The following TTC12 variants were observed in gnomAD, a reference collection of about 807,000 sequenced individuals.
TTC12 encodes tetratricopeptide repeat protein 12.
Under a neutral mutation model 90.1 loss-of-function variants are expected in TTC12, and 70 were observed. The ratio of observed to expected loss-of-function variants is 0.78; its 90% CI spans 0.64 to 0.95. The LOEUF (loss-of-function observed/expected upper bound fraction) is 0.95, where lower values mean the gene tolerates loss of function less well. Among genes scored for constraint, TTC12 ranks in the 40% least tolerant of loss-of-function variants. The pLI is 0.00. For missense variants in TTC12, 819 were observed against 846.1 expected (o/e 0.97, Z 0.40); for synonymous variants, 296 against 311.5 (o/e 0.95, Z 0.53).
rs75723269 is a variant in TTC12 at position 113,335,828 on chromosome 11, A to G, written c.576+791A>G. Among the ~76,000 whole-genome samples the G allele has an allele frequency of 5.0e-4, 76 of 152,296 alleles. No homozygotes were observed. In the East Asian group the frequency reaches 7.3e-3, roughly 15 times the overall value. On this transcript the variant is annotated intron_variant, in intron 8 of 21. Transcript: ENST00000529221. ...ATTTTATTTATTTATTCATCAGTTAATGGACATTTGGGTTGTTTCCACTTT... is the reference window on the plus strand; with the variant it reads ...ATTTTATTTATTTATTCATCAGTTAGTGGACATTTGGGTTGTTTCCACTTT...
chr11:113,371,450 A>C (rs1349636964), intron 21 of TTC12: 1 of 152,052 alleles, frequency 6.6e-6, no homozygotes, highest in African/African-American at 2.4e-5. Context: ...TGAATCTGCA[A>C]ATTTGGAACC....
rs1477837139 is a variant in TTC12, at chr11:113,341,540, G to A, written c.897-297G>A. 3 of 400,928 alleles carry A rather than the reference G, an allele frequency of 7.5e-6. No individual in the cohort carries two copies. In the Admixed American group the frequency reaches 1.1e-4, roughly 15 times the overall value. 24.8% of individuals were successfully genotyped at this position (400,928 alleles called of 1,614,324 possible). On this transcript the variant is annotated intron_variant, in intron 11 of 21. Coordinates refer to ENST00000529221, the MANE Select transcript of TTC12 (RefSeq NM_017868.4). The stretch of plus-strand genomic sequence containing the variant: ...GAGGCTTAGGATACCCGTGTGGGTT[G>A]GAGTCACCAGTACATGTCTGTGTGC...
Position 113,365,038 on chromosome 11 carries a change from A to G in TTC12, c.2020A>G (p.Lys674Glu). 4 of 1,614,032 alleles carry G rather than the reference A, an allele frequency of 2.5e-6. No individual in the cohort carries two copies. The highest frequency in any genetic ancestry group is 3.4e-6 in the Non-Finnish European group (4 of 1,179,978). Residue 674 changes from lysine to glutamate, a missense_variant, in exon 21 of 22, where the codon AAG becomes GAG. By Grantham distance (56) the Lys-to-Glu change is moderately conservative. Coordinates refer to ENST00000529221, the MANE Select transcript of TTC12 (RefSeq NM_017868.4). ...VQVNAGIALG[K>E]LCTAEPRFAA... ...GGTGAACGCAGGCATTGCTCTGGGG[A>G]AGCTGTGCACAGCTGAGCCCAGGTA...
chr11:113,355,103 G>C (rs1949547619), intron 16 of TTC12, among the ~76,000 whole-genome samples: 1 of 152,154 alleles, frequency 6.6e-6, no homozygotes, highest in African/African-American at 2.4e-5. Flanking sequence ...TTTTTTGATT[G>C]GTAGGCTCTT....
At chr11:113,368,092 C>T (rs1443665340), downstream of TTC12, 5 of 1,076,344 alleles carry the variant, frequency 4.6e-6, no homozygotes, top group Non-Finnish European at 6.1e-6. Context: ...TATGGCTGCC[C>T]TCCTTCTTGG....
At chr11:113,323,475 A>G (rs782330666) in intron 3 of TTC12, 24 bp downstream of exon 3, 17 of 1,526,762 alleles carry the variant, frequency 1.1e-5, no homozygotes, top group Non-Finnish European at 1.8e-6. Flanking sequence ...TTGAGAAGTT[A>G]TATAAGTACT....
At chr11:113,367,006 T>A (rs1333127677), downstream of TTC12, among the ~76,000 whole-genome samples, 2 of 152,250 alleles carry the variant, frequency 1.3e-5, no homozygotes, top group East Asian at 3.9e-4. Flanking sequence ...CAGTGAACCC[T>A]GACTGATGCA....
At chr11:113,329,710 C>G (rs1947909961) in intron 6 of TTC12, 1 of 630,228 alleles carries the variant, frequency 1.6e-6, no homozygotes, top group South Asian at 1.5e-5. Context: ...GTTCCCTAAG[C>G]CCTGCCTTCA....
chr11:113,320,321 CT>C (rs1448332142), intron 2 of TTC12, among the ~76,000 whole-genome samples: 2 of 152,272 alleles, frequency 1.3e-5, no homozygotes, highest in East Asian at 3.9e-4. Context: ...CATGTAAACT[CT>C]GAACCCCAGG....
chr11:113,363,611 C>G (rs1591214472), intron 19 of TTC12, among the ~76,000 whole-genome samples: 1 of 152,174 alleles, frequency 6.6e-6, no homozygotes, highest in East Asian at 1.9e-4. Flanking sequence ...GGCCTACATT[C>G]CTGTCAGGGG....
intron 16 of TTC12, among the ~76,000 whole-genome samples, chr11:113,356,399 ACT>A (rs1383820190): frequency 1.3e-5 from 2 of 151,860 alleles, no homozygotes; most frequent in Non-Finnish European, 2.9e-5. Flanking sequence ...CCAGCTTGCC[ACT>A]CTGTGTCTTG....
chr11:113,365,020 G>A lies in TTC12; in HGVS notation c.2002G>A (p.Ala668Thr), dbSNP rs756951202. 3.3e-5 allele frequency: 53 copies of A among 1,614,032 alleles called. No individual in the cohort carries two copies. Among genetic ancestry groups the A allele is most frequent in the Admixed American group, 2.0e-4 (12 of 60,004 alleles). ...DTQKTAVQVN[A>T]GIALGKLCTA... The stretch of plus-strand genomic sequence containing the variant: ...ACAGAAGACGGCCGTGCAGGTGAAC[G>A]CAGGCATTGCTCTGGGGAAGCTGTG... Residue 668 changes from alanine to threonine, a missense_variant, in exon 21 of 22, where the codon GCA becomes ACA. Ala to Thr is a moderately conservative substitution (Grantham distance 58). Transcript: ENST00000529221.
At chr11:113,367,471 T>C (rs1338346069), downstream of TTC12, among the ~76,000 whole-genome samples, 2 of 152,216 alleles carry the variant, frequency 1.3e-5, no homozygotes, top group Non-Finnish European at 2.9e-5. Context: ...AGACTCTATC[T>C]TGAGATTGAG....
chr11:113,341,544 T>C (rs1555146022), intron 11 of TTC12: 2 of 401,770 alleles, frequency 5.0e-6, no homozygotes, highest in African/African-American at 2.0e-5. Context: ...TGGGTTGGAG[T>C]CACCAGTACA....
chr11:113,323,353 G>A lies in TTC12; in HGVS notation c.124G>A (p.Glu42Lys). 1 of 1,613,302 alleles carries A rather than the reference G, an allele frequency of 6.2e-7. No homozygotes were observed. Among genetic ancestry groups the A allele is most frequent in the Non-Finnish European group, 8.5e-7 (1 of 1,179,774 alleles). The part of the protein sequence containing the change: ...VVQQKAVLET[E>K]KRLLLMEEDQ... The stretch of plus-strand genomic sequence containing the variant: ...GCAACAGAAAGCTGTCCTGGAGACA[G>A]AAAAGAGACTACTGCTTATGGAGGA... Residue 42 changes from glutamate (E) to lysine (K), a missense_variant, in exon 3 of 22, where the codon GAA (glutamate) becomes AAA (lysine). Coordinates refer to ENST00000529221, the MANE Select transcript of TTC12 (RefSeq NM_017868.4).
chr11:113,362,537 G>A (rs782195443), intron 19 of TTC12, 35 bp downstream of exon 19: 3 of 1,370,234 alleles, frequency 2.2e-6, no homozygotes, highest in Admixed American at 1.7e-5. Context: ...CCCCTGAAAT[G>A]TACAGAAGTC....
At chr11:113,348,881 C>G (rs1949114431) in intron 13 of TTC12, among the ~76,000 whole-genome samples, 1 of 152,214 alleles carries the variant, frequency 6.6e-6, no homozygotes, top group African/African-American at 2.4e-5. Flanking sequence ...ATCCCCTGTT[C>G]TCCCCTCACA....
intron 5 of TTC12, 90 bp from the exon 6 acceptor site, chr11:113,325,434 C>A (rs1201661240): frequency 2.7e-6 from 4 of 1,509,344 alleles, no homozygotes; most frequent in Non-Finnish European, 3.6e-6. Flanking sequence ...TGAAGACCTT[C>A]GAAATAGAAT....
intron 20 of TTC12, 26 bp downstream of exon 20, chr11:113,363,953 C>T: frequency 6.5e-7 from 1 of 1,545,294 alleles, no homozygotes; most frequent in Non-Finnish European, 8.9e-7. Flanking sequence ...CTTAAGGGAG[C>T]CCTTGTCCCA....
Sources: gnomAD v4.1 joint callset for allele counts (sites outside exome capture counted in the v4.1 genomes callset) on GRCh38, gnomAD v4.1.1 for gene constraint, MANE v1.5 for transcripts, NCBI Gene and HGNC (gene_info 2026-07-23, HGNC 2026-07-21) for gene names.